The following EWSR1 variants were observed in gnomAD, a reference collection of about 807,000 sequenced individuals.
EWSR1 encodes the protein RNA-binding protein EWS.
EWSR1 carries 14 observed loss-of-function variants against 92.1 expected under a neutral mutation model. The observed-to-expected ratio is 0.15, with a 90% CI of 0.10 to 0.24. EWSR1 has a LOEUF of 0.24. EWSR1 is among the 10% of genes least tolerant of loss of function. The pLI is 1.00. For missense variants in EWSR1, 637 were observed against 870.9 expected (o/e 0.73, Z 3.38); for synonymous variants, 303 against 292.9 (o/e 1.03, Z -0.35).
Position 29,278,209 on chromosome 22 carries a change from C to T in EWSR1, c.406C>T (p.Pro136Ser), listed in dbSNP as rs1331151554. Reference sequence around the variant, plus strand: ...TGGGCAGCAGCCAGCAGCCACTGCACCTACAAGGTAAGGCCATGGTGTCCT... The same window carrying T: ...TGGGCAGCAGCCAGCAGCCACTGCATCTACAAGGTAAGGCCATGGTGTCCT... ...AYGQQPAATA[P>S]TRPQDGNKPT... The change falls in exon 5 of 17, where the codon CCT becomes TCT. Residue 136 changes from proline (P) to serine (S), a missense_variant. Physicochemically the swap from Pro to Ser is moderately conservative, Grantham distance 74 (BLOSUM62 -1). Transcript: ENST00000397938. 3 of 1,613,856 alleles carry T rather than the reference C, an allele frequency of 1.9e-6. No individual in the cohort carries two copies. The highest frequency in any genetic ancestry group is 2.2e-5 in the South Asian group (2 of 91,022).
intron 1 of EWSR1, among the ~76,000 whole-genome samples, chr22:29,268,638 C>G (rs948573896): frequency 6.6e-6 from 1 of 152,164 alleles, no homozygotes; most frequent in Non-Finnish European, 1.5e-5. Context: ...GCCCTGAGCT[C>G]CGGGCCTCCC....
chr22:29,269,026 C>T lies in EWSR1; in HGVS notation c.13+677C>T, dbSNP rs988956729. On this transcript the variant is annotated intron_variant, in intron 1 of 16. Transcript: ENST00000397938. ...CCCAGTTTGCCGCTTTCTTGGGCTT[C>T]TCCATTTTTATCGTTATTAATCCAC... Among the ~76,000 whole-genome samples the T allele has an allele frequency of 3.9e-5, 6 of 152,250 alleles. No homozygotes were observed. In the South Asian group the frequency reaches 6.2e-4, roughly 16 times the overall value.
intron 1 of EWSR1, among the ~76,000 whole-genome samples, chr22:29,270,081 C>CAA: frequency 6.6e-6 from 1 of 152,236 alleles, no homozygotes; most frequent in African/African-American, 2.4e-5. Flanking sequence ...TTCTGACCTT[C>CAA]CAGCATAAGC....
At chr22:29,278,966 G>C (rs2059343960) in intron 5 of EWSR1, among the ~76,000 whole-genome samples, 1 of 151,806 alleles carries the variant, frequency 6.6e-6, no homozygotes, top group Non-Finnish European at 1.5e-5. Context: ...TTGTACTCTA[G>C]CCTGGGCGAC....
chr22:29,294,450 C>CA (rs2060685201), intron 11 of EWSR1, among the ~76,000 whole-genome samples: 2 of 149,260 alleles, frequency 1.3e-5, no homozygotes, highest in Non-Finnish European at 3.0e-5. Flanking sequence ...ACTATAAATA[C>CA]AAAAAATTAG....
chr22:29,290,473 C>G (rs1260749078), intron 8 of EWSR1: 9 of 1,613,454 alleles, frequency 5.6e-6, no homozygotes, highest in Non-Finnish European at 7.6e-6. Flanking sequence ...ACTCAGTACT[C>G]AGCCGGCAGC....
Position 29,272,272 on chromosome 22 carries a change from C to A in EWSR1, c.50+20C>A. On this transcript the variant is annotated intron_variant, in intron 2 of 16. Transcript: ENST00000397938. The stretch of plus-strand genomic sequence containing the variant: ...GCAGGGGTAAGTCAGTCTTTTATAA[C>A]CGTATTTTGTGTGTGATTAATATTT... 6.2e-7 allele frequency: 1 copy of A among 1,613,830 alleles called. No homozygotes were observed. The highest frequency in any genetic ancestry group is 8.5e-7 in the Non-Finnish European group (1 of 1,179,760).
intron 11 of EWSR1, 170 bp from the exon 12 acceptor site, chr22:29,296,069 A>G (rs986124910): frequency 1.5e-6 from 1 of 681,720 alleles, no homozygotes; most frequent in Non-Finnish European, 2.4e-6. Flanking sequence ...TAAAGCAGGG[A>G]TAGAGGAGAA....
Position 29,300,275 on chromosome 22 carries a change from C to T in EWSR1, c.*114C>T. The T allele has an allele frequency of 1.0e-6, 1 of 969,420 alleles. No homozygotes were observed. The highest frequency in any genetic ancestry group is 1.6e-5 in the South Asian group (1 of 64,496). The allele number at this position is 969,420 out of a possible 1,614,324, so 60.1% of individuals were successfully genotyped here. On this transcript the variant is annotated 3_prime_UTR_variant, in exon 17 of 17. Coordinates refer to ENST00000397938, the MANE Select transcript of EWSR1 (RefSeq NM_005243.4). ...GTTGGCCACAACATTATGATTATTC[C>T]TTGTCTGTACTTTAGTATTTTTCAC... is the stretch of plus-strand genomic sequence containing the variant.
At chr22:29,294,849 G>T (rs2147670883) in intron 11 of EWSR1, among the ~76,000 whole-genome samples, 1 of 145,052 alleles carries the variant, frequency 6.9e-6, no homozygotes, top group South Asian at 2.2e-4. Flanking sequence ...GGATGCAGAG[G>T]TTGCAGTGAG....
Position 29,299,143 on chromosome 22 carries a change from TAGTG to T in EWSR1, c.1581-86_1581-83del, listed in dbSNP as rs1281658717. 2.2e-5 allele frequency: 35 copies of T among 1,607,560 alleles called. No individual in the cohort carries two copies. The Middle Eastern group carries it at 8.3e-4, about 38-fold the overall frequency. ...CATGGGTGTACATAGATCCTCTTGATAGTGAGTGTGTACCTGTTCACACACCACC... is the reference window on the plus strand; with the variant it reads ...CATGGGTGTACATAGATCCTCTTGATAGTGTGTACCTGTTCACACACCACC... On this transcript the variant is annotated intron_variant, in intron 14 of 16. Transcript: ENST00000397938.
At chr22:29,298,581 G>A in intron 13 of EWSR1, 152 bp from the exon 14 acceptor site, 3 of 865,394 alleles carry the variant, frequency 3.5e-6, no homozygotes. Flanking sequence ...CAGGGAAGGG[G>A]GCTGATGGCC....
chr22:29,293,410 A>C (rs1399012238), intron 11 of EWSR1, among the ~76,000 whole-genome samples: 2 of 152,178 alleles, frequency 1.3e-5, no homozygotes, highest in Non-Finnish European at 2.9e-5. Context: ...TCTGTATTAG[A>C]GTTAGTTTAT....
In EWSR1 at chr22:29,298,928, C is replaced by T. The variant is rs368820453; in HGVS notation, c.1580+33C>T. The T allele has an allele frequency of 1.2e-4, 187 of 1,517,878 alleles. 1 individual carries two copies. Among genetic ancestry groups the T allele is most frequent in the Non-Finnish European group, 1.5e-4 (170 of 1,138,632 alleles). The allele number at this position is 1,517,878 out of a possible 1,614,324, so 94.0% of individuals were successfully genotyped here. On this transcript the variant is annotated intron_variant, in intron 14 of 16. Coordinates refer to ENST00000397938, the MANE Select transcript of EWSR1 (RefSeq NM_005243.4). ...CTTGTCTTGGCAAATTGATACCCTA[C>T]GAGTGAAGCCACCCTTCCCTCACCC...
chr22:29,272,911 A>G (rs1311591475), intron 3 of EWSR1, among the ~76,000 whole-genome samples: 1 of 152,218 alleles, frequency 6.6e-6, no homozygotes, highest in Non-Finnish European at 1.5e-5. Context: ...TGAAAAGCCT[A>G]GGCCAACAGA....
chr22:29,292,992 T>C (rs1211153901), intron 11 of EWSR1, among the ~76,000 whole-genome samples: 1 of 152,038 alleles, frequency 6.6e-6, no homozygotes, highest in Admixed American at 6.6e-5. Flanking sequence ...TCAGGTGATC[T>C]GCCCACCTTG....
rs541906192 is a variant in EWSR1, at chr22:29,292,496, G to T, written c.1054G>T (p.Val352Leu). 3.9e-5 allele frequency: 63 copies of T among 1,611,240 alleles called. No individual in the cohort carries two copies. The South Asian group carries it at 6.6e-4, about 17-fold the overall frequency. Residue 352 changes from valine (V) to leucine (L), a missense_variant, in exon 11 of 17, where the codon GTA (valine) becomes TTA (leucine). Coordinates refer to ENST00000397938, the MANE Select transcript of EWSR1 (RefSeq NM_005243.4). ...EGPDLDLGPP[V>L]DPDEDSDNSA... is the part of the protein sequence containing the mutation. ...CTTGTTGTCTCTGAAAGGCCCACCT[G>T]TAGATCCAGATGAAGACTCTGACAA...
chr22:29,276,812 A>G (rs2059157295), intron 4 of EWSR1: 1 of 231,428 alleles, frequency 4.3e-6, no homozygotes, highest in East Asian at 6.1e-5. Flanking sequence ...CACCATGCCC[A>G]GCTAAGTTTG....
chr22:29,272,560 A>T, intron 3 of EWSR1, 129 bp downstream of exon 3: 1 of 945,050 alleles, frequency 1.1e-6, no homozygotes, highest in Non-Finnish European at 1.6e-6. Flanking sequence ...CAGGCATTTT[A>T]AACTTTCACA....
Sources: gnomAD v4.1 joint callset for allele counts (sites outside exome capture counted in the v4.1 genomes callset) on GRCh38, gnomAD v4.1.1 for gene constraint, MANE v1.5 for transcripts, NCBI Gene and HGNC (gene_info 2026-07-23, HGNC 2026-07-21) for gene names.